Variants in USP11 observed in about 807,000 individuals in gnomAD.
USP11 encodes ubiquitin carboxyl-terminal hydrolase 11.
USP11 carries 5 observed loss-of-function variants against 72.8 expected under a neutral mutation model. The ratio of observed to expected loss-of-function variants is 0.07; its 90% CI spans 0.04 to 0.14. The LOEUF (loss-of-function observed/expected upper bound fraction) is 0.14, where lower values mean the gene tolerates loss of function less well. USP11 is among the 10% of genes least tolerant of loss of function. The pLI, the probability that USP11 is intolerant of heterozygous loss-of-function variation, is 1.00. For missense variants in USP11, 480 were observed against 794.7 expected (o/e 0.60, Z 4.76); for synonymous variants, 368 against 326.5 (o/e 1.13, Z -1.37).
Position 47,244,567 on chromosome X carries a change from T to C in USP11, c.1843+17T>C, listed in dbSNP as rs2055421824. 1.7e-6 allele frequency: 2 copies of C among 1,210,257 alleles called. No individual in the cohort carries two copies. Among genetic ancestry groups the C allele is most frequent in the African/African-American group, 1.7e-5 (1 of 57,548 alleles). On this transcript the variant is annotated intron_variant, in intron 14 of 20. Transcript: ENST00000377107. Reference sequence around the variant, plus strand: ...ATGAGAAAGGTGAGGGGGCTAACAGTCAGTGGGCGGGGGCTCTGGGTTAGG... The same window carrying C: ...ATGAGAAAGGTGAGGGGGCTAACAGCCAGTGGGCGGGGGCTCTGGGTTAGG...
At chrX:47,238,674 C>T (rs1371174065) in intron 1 of USP11, among the ~76,000 whole-genome samples, 1 of 110,619 alleles carries the variant, frequency 9.0e-6, no homozygotes, top group East Asian at 2.8e-4. Flanking sequence ...TAATGAATGG[C>T]TAAAGCCTTA....
rs1396097912 is a variant in USP11, at chrX:47,247,055, T to G, written c.2271-17T>G. On this transcript the variant is annotated splice_polypyrimidine_tract_variant and intron_variant, in intron 17 of 20. Coordinates refer to ENST00000377107, the MANE Select transcript of USP11 (RefSeq NM_001371072.1). ...AAAAAGAAAAAGTCCGTTTGCTGACTCGGGCTCTGTCTGTAGGTACTGCCC... is the reference window on the plus strand; with the variant it reads ...AAAAAGAAAAAGTCCGTTTGCTGACGCGGGCTCTGTCTGTAGGTACTGCCC... 8.4e-7 allele frequency: 1 copy of G among 1,184,224 alleles called. No homozygotes were observed. Among genetic ancestry groups the G allele is most frequent in the Non-Finnish European group, 1.1e-6 (1 of 886,011 alleles).
At chrX:47,247,051 T>G (rs1602716736) in intron 17 of USP11, 21 bp from the exon 18 acceptor site, 5 of 1,176,216 alleles carry the variant, frequency 4.3e-6, no homozygotes, top group African/African-American at 3.6e-5. Context: ...GTCCGTTTGC[T>G]GACTCGGGCT....
chrX:47,240,426 C>T lies in USP11; in HGVS notation c.657C>T (p.Leu219=), dbSNP rs768381208. The T allele has an allele frequency of 1.2e-5, 14 of 1,210,102 alleles. No homozygotes were observed. Among genetic ancestry groups the T allele is most frequent in the South Asian group, 5.3e-5 (3 of 56,772 alleles). The part of the protein sequence containing the change: ...DRLYDTHITV[L]DAALETGQLI... ...TGTATGACACACACATCACGGTTCT[C>T]GATGCGGCCCTTGAGACTGGGCAGG... Residue 219 remains leucine, a synonymous_variant, in exon 5 of 21, where the codon CTC becomes CTT. Coordinates refer to ENST00000377107, the MANE Select transcript of USP11 (RefSeq NM_001371072.1).
intron 12 of USP11, 108 bp from the exon 13 acceptor site, chrX:47,243,288 A>T (rs1602713174): frequency 1.4e-6 from 1 of 728,257 alleles, no homozygotes; most frequent in East Asian, 3.6e-5. Flanking sequence ...AATAAATAAA[A>T]ATAAAAATGC....
intron 1 of USP11, among the ~76,000 whole-genome samples, chrX:47,235,116 A>G (rs1412884934): frequency 2.7e-5 from 3 of 112,357 alleles, no homozygotes; most frequent in Non-Finnish European, 5.6e-5. Context: ...CCCCTCCCAG[A>G]TGGAAATTCC....
intron 17 of USP11, among the ~76,000 whole-genome samples, chrX:47,246,165 G>A (rs756219935): frequency 2.7e-5 from 3 of 112,425 alleles, no homozygotes; most frequent in Non-Finnish European, 3.8e-5. Flanking sequence ...GATGCCACTT[G>A]ATGTGATGTC....
At chrX:47,238,414 C>G (rs1243891415) in intron 1 of USP11, among the ~76,000 whole-genome samples, 1 of 107,787 alleles carries the variant, frequency 9.3e-6, no homozygotes, top group Non-Finnish European at 1.9e-5. Flanking sequence ...TCTTGAACTC[C>G]TGACCTCAGG....
In USP11 at chrX:47,248,287, C is replaced by A. The variant is rs2055448397; in HGVS notation, c.*357C>A. On this transcript the variant is annotated 3_prime_UTR_variant, in exon 21 of 21. Transcript: ENST00000377107. ...TTTTCTTATTGAGGCCCTGTACCTT[C>A]TGCTGTGTGTGTGTATATATAAAGC... 38 of 200,135 alleles carry A rather than the reference C, an allele frequency of 1.9e-4. No individual in the cohort carries two copies. The South Asian group carries it at 3.9e-3, about 21-fold the overall frequency. 16.5% of individuals were successfully genotyped at this position (200,135 alleles called of 1,213,427 possible). A position where few individuals can be genotyped will look rare whatever the true frequency, so the allele number is the denominator to read the frequency against.
chrX:47,234,549 A>G (rs1346083712), intron 1 of USP11, among the ~76,000 whole-genome samples: 1 of 111,867 alleles, frequency 8.9e-6, no homozygotes, highest in Non-Finnish European at 1.9e-5. Context: ...TCGTGTAAGC[A>G]GTTTATTCTC....
chrX:47,248,237 G>A lies in USP11; in HGVS notation c.*307G>A. ...AGAGTGTTCTGCGTGGGTGGTGATGGGGGTTCACCTGAACACAGAGTGTAT... is the reference window on the plus strand; with the variant it reads ...AGAGTGTTCTGCGTGGGTGGTGATGAGGGTTCACCTGAACACAGAGTGTAT... On this transcript the variant is annotated 3_prime_UTR_variant, in exon 21 of 21. Coordinates refer to ENST00000377107, the MANE Select transcript of USP11 (RefSeq NM_001371072.1). 1 of 292,508 alleles carries A rather than the reference G, an allele frequency of 3.4e-6. No homozygotes were observed. Among genetic ancestry groups the A allele is most frequent in the Non-Finnish European group, 5.9e-6 (1 of 168,764 alleles). The allele number at this position is 292,508 out of a possible 1,213,427, so 24.1% of individuals were successfully genotyped here.
intron 3 of USP11, 136 bp from the exon 4 acceptor site, chrX:47,239,654 C>T (rs1449524018): frequency 8.3e-6 from 8 of 961,691 alleles, no homozygotes; most frequent in Non-Finnish European, 1.2e-5. Context: ...CCCTGTGTGG[C>T]TCTCTTTACA....
In USP11 at chrX:47,248,175, CTTTA is replaced by C. The variant is rs1387403516; in HGVS notation, c.*251_*254del. The C allele has an allele frequency of 9.9e-6, 4 of 405,805 alleles. No homozygotes were observed. Among genetic ancestry groups the C allele is most frequent in the Non-Finnish European group, 1.6e-5 (4 of 243,853 alleles). 33.4% of individuals were successfully genotyped at this position (405,805 alleles called of 1,213,427 possible). A position where few individuals can be genotyped will look rare whatever the true frequency, so the allele number is the denominator to read the frequency against. On this transcript the variant is annotated 3_prime_UTR_variant, in exon 21 of 21. Transcript: ENST00000377107. ...TCCAGCAGTGACCCTCCCTTCTAGTCTTTATTTATGGTCGTGCCCTTCCCTCTCC... is the reference window on the plus strand; with the variant it reads ...TCCAGCAGTGACCCTCCCTTCTAGTCTTTATGGTCGTGCCCTTCCCTCTCC...
At chrX:47,244,274 C>T (rs1320943291) in intron 13 of USP11, among the ~76,000 whole-genome samples, 1 of 109,808 alleles carries the variant, frequency 9.1e-6, no homozygotes, top group Non-Finnish European at 1.9e-5. Context: ...AATCACACTC[C>T]ACACCTCTGA....
At chrX:47,235,047 C>T (rs2055365416) in intron 1 of USP11, among the ~76,000 whole-genome samples, 1 of 111,850 alleles carries the variant, frequency 8.9e-6, no homozygotes. Context: ...TAAATAAAAA[C>T]GTGTGAATTC....
chrX:47,243,305 G>GCGC, intron 12 of USP11, 91 bp from the exon 13 acceptor site: 1 of 874,122 alleles, frequency 1.1e-6, no homozygotes, highest in South Asian at 2.4e-5. Context: ...ATGCCTTCAG[G>GCGC]CTGTGAGGAT....
rs1032636035 is a variant in USP11, at chrX:47,248,028, C to T, written c.*98C>T. 1.9e-6 allele frequency: 2 copies of T among 1,075,136 alleles called. No individual in the cohort carries two copies. Among genetic ancestry groups the T allele is most frequent in the Non-Finnish European group, 2.4e-6 (2 of 821,198 alleles). The allele number at this position is 1,075,136 out of a possible 1,213,427, so 88.6% of individuals were successfully genotyped here. ...GCTTCTCTTATTCGTGTTAGGTGCC[C>T]CCGCCAGGCATTGCAGGCTTAGTCG... On this transcript the variant is annotated 3_prime_UTR_variant, in exon 21 of 21. Transcript: ENST00000377107.
intron 10 of USP11, 44 bp downstream of exon 10, chrX:47,242,350 G>T: frequency 8.3e-7 from 1 of 1,205,027 alleles, no homozygotes; most frequent in East Asian, 3.0e-5. Context: ...TGGACACATA[G>T]AGTTTGATTA....
At chrX:47,242,821 CTCGTT>C in intron 12 of USP11, 101 bp downstream of exon 12, 1 of 652,404 alleles carries the variant, frequency 1.5e-6, no homozygotes. Flanking sequence ...CTGCCTCTGC[CTCGTT>C]CACTGGGCAC....
Sources: gnomAD v4.1 joint callset for allele counts (sites outside exome capture counted in the v4.1 genomes callset) on GRCh38, gnomAD v4.1.1 for gene constraint, MANE v1.5 for transcripts, NCBI Gene and HGNC (gene_info 2026-07-23, HGNC 2026-07-21) for gene names.